The following CDH18 variants were observed in gnomAD, a reference collection of about 807,000 sequenced individuals.
The protein encoded by CDH18 is cadherin-18.
In CDH18, 31 loss-of-function variants were observed where a neutral mutation model predicts 67.9. That is an observed-to-expected ratio of 0.46 (90% CI 0.34 to 0.62). The LOEUF is 0.62. Among genes scored for constraint, CDH18 ranks in the 20% least tolerant of loss-of-function variants. The pLI, the probability that CDH18 is intolerant of heterozygous loss-of-function variation, is 0.01. For synonymous variants in CDH18, 362 were observed against 347.2 expected, an observed-to-expected ratio of 1.04 and a Z score of -0.48; for missense variants, 890 against 975.5, an observed-to-expected ratio of 0.91 and a Z score of 1.17.
chr5:19,528,361 A>C (rs911331140), intron 9 of CDH18, among the ~76,000 whole-genome samples: 12 of 151,726 alleles, frequency 7.9e-5, no homozygotes, highest in Non-Finnish European at 1.8e-4. Flanking sequence ...AACAAAATGG[A>C]TTATAAGTTT....
At chr5:19,999,466 G>A (rs1736268951) in intron 2 of CDH18, among the ~76,000 whole-genome samples, 1 of 152,142 alleles carries the variant, frequency 6.6e-6, no homozygotes, top group Non-Finnish European at 1.5e-5. Context: ...GCCGGGCATG[G>A]TGGCAGGTAC....
intron 3 of CDH18, among the ~76,000 whole-genome samples, chr5:19,813,344 G>T (rs1778947623): frequency 6.6e-6 from 1 of 151,748 alleles, no homozygotes; most frequent in Non-Finnish European, 1.5e-5. Context: ...AAAAAGAATT[G>T]TCAGATTCTA....
At chr5:19,552,817 C>T (rs1365241658) in intron 8 of CDH18, among the ~76,000 whole-genome samples, 1 of 152,134 alleles carries the variant, frequency 6.6e-6, no homozygotes, top group Admixed American at 6.6e-5. Context: ...CATGCCTCAC[C>T]CAGTACAGGA....
At chr5:19,899,936 G>A (rs1579495551) in intron 2 of CDH18, among the ~76,000 whole-genome samples, 1 of 152,042 alleles carries the variant, frequency 6.6e-6, no homozygotes, top group African/African-American at 2.4e-5. Context: ...CCTGGAAGAG[G>A]GGGAAACAGG....
intron 1 of CDH18, among the ~76,000 whole-genome samples, chr5:20,542,197 G>A (rs1027201207): frequency 6.6e-6 from 1 of 152,116 alleles, no homozygotes; most frequent in Non-Finnish European, 1.5e-5. Context: ...CACTGGTGGT[G>A]CTAAAGAATT....
At chr5:20,035,409 G>A (rs890629931) in intron 2 of CDH18, among the ~76,000 whole-genome samples, 1 of 152,002 alleles carries the variant, frequency 6.6e-6, no homozygotes, top group African/African-American at 2.4e-5. Flanking sequence ...ATAAAGAACT[G>A]CTTGAGATTG....
intron 2 of CDH18, among the ~76,000 whole-genome samples, chr5:19,919,254 T>C (rs1223029694): frequency 6.7e-6 from 1 of 150,164 alleles, no homozygotes; most frequent in Non-Finnish European, 1.5e-5. Flanking sequence ...TTCATTTGTA[T>C]CATCTATGAT....
At chr5:19,882,143 T>C (rs747370429) in intron 2 of CDH18, among the ~76,000 whole-genome samples, 1 of 152,170 alleles carries the variant, frequency 6.6e-6, no homozygotes, top group African/African-American at 2.4e-5. Context: ...TCATAATACA[T>C]GTCTTACAAT....
At chr5:19,534,507 C>T (rs1580065337) in intron 9 of CDH18, among the ~76,000 whole-genome samples, 1 of 152,098 alleles carries the variant, frequency 6.6e-6, no homozygotes, top group East Asian at 1.9e-4. Flanking sequence ...GATGAAAAAT[C>T]AGGGAGAATT....
At chr5:19,972,899 C>T (rs1044821538) in intron 2 of CDH18, among the ~76,000 whole-genome samples, 1 of 151,892 alleles carries the variant, frequency 6.6e-6, no homozygotes, top group Non-Finnish European at 1.5e-5. Flanking sequence ...GTAAATACAA[C>T]AGTAAATATA....
At chr5:19,911,449 C>T (rs1026538589) in intron 2 of CDH18, among the ~76,000 whole-genome samples, 4 of 152,106 alleles carry the variant, frequency 2.6e-5, no homozygotes, top group African/African-American at 9.7e-5. Context: ...CACACACCCT[C>T]ACCCCCAGAT....
intron 6 of CDH18, among the ~76,000 whole-genome samples, chr5:19,601,839 G>T (rs1411136368): frequency 6.6e-6 from 1 of 150,600 alleles, no homozygotes; most frequent in African/African-American, 2.4e-5. Flanking sequence ...ACAGAATAAA[G>T]AAAAAAATCA....
chr5:19,637,555 T>C (rs1206839122), intron 5 of CDH18, among the ~76,000 whole-genome samples: 1 of 152,224 alleles, frequency 6.6e-6, no homozygotes, highest in Non-Finnish European at 1.5e-5. Context: ...TTGGGCTTTA[T>C]GTTTGTCTCT....
chr5:20,410,046 C>A (rs568519798), intron 1 of CDH18, among the ~76,000 whole-genome samples: 6 of 151,786 alleles, frequency 4.0e-5, no homozygotes, highest in South Asian at 2.1e-4. Context: ...CTGGTGAATT[C>A]TATAAAATAT....
chr5:19,537,382 T>G (rs1232647590), intron 9 of CDH18, among the ~76,000 whole-genome samples: 2 of 152,058 alleles, frequency 1.3e-5, no homozygotes, highest in Admixed American at 1.3e-4. Context: ...TCTCTTTCTC[T>G]CTCTCTTTCT....
At chr5:20,347,767 C>A (rs1740826432) in intron 1 of CDH18, among the ~76,000 whole-genome samples, 1 of 152,178 alleles carries the variant, frequency 6.6e-6, no homozygotes, top group African/African-American at 2.4e-5. Context: ...GGGAGTCAGT[C>A]AGCCCAAACT....
At chr5:19,578,854 G>T (rs561485664) in intron 7 of CDH18, among the ~76,000 whole-genome samples, 2 of 151,748 alleles carry the variant, frequency 1.3e-5, no homozygotes, top group East Asian at 3.9e-4. Context: ...GGTTGTTGCA[G>T]TTAATACATT....
intron 2 of CDH18, among the ~76,000 whole-genome samples, chr5:19,847,899 C>G (rs1366954953): frequency 6.6e-6 from 1 of 152,176 alleles, no homozygotes; most frequent in Non-Finnish European, 1.5e-5. Flanking sequence ...TACCGCACAT[C>G]CGCTGAAGAA....
intron 1 of CDH18, among the ~76,000 whole-genome samples, chr5:20,508,674 A>G (rs1421123561): frequency 1.3e-5 from 2 of 151,980 alleles, no homozygotes; most frequent in Non-Finnish European, 2.9e-5. Context: ...CAGGAGTAAG[A>G]AAAGCTAGCT....
Sources: allele counts gnomAD v4.1 joint callset (sites outside exome capture counted in the v4.1 genomes callset), GRCh38; gene constraint gnomAD v4.1.1; transcripts MANE v1.5; gene names NCBI Gene and HGNC (gene_info 2026-07-23, HGNC 2026-07-21).